BIRC6: variants seen among roughly 807,000 people sequenced by gnomAD.
The protein encoded by BIRC6 is dual E2 ubiquitin-conjugating enzyme/E3 ubiquitin-protein ligase BIRC6.
In BIRC6, 98 loss-of-function variants were observed where a neutral mutation model predicts 503.3. The observed-to-expected ratio is 0.19, with a 90% CI of 0.17 to 0.23. The LOEUF is 0.23. Among genes scored for constraint, BIRC6 ranks in the 10% least tolerant of loss-of-function variants. The pLI is 1.00. For synonymous variants in BIRC6, 2,240 were observed against 2,078.7 expected (o/e 1.08, Z -2.11); for missense variants, 5,360 against 5,806.0 (o/e 0.92, Z 2.50).
chr2:32,608,792 G>C (rs998634263), intron 72 of BIRC6, among the ~76,000 whole-genome samples: 13 of 152,220 alleles, frequency 8.5e-5, no homozygotes, highest in African/African-American at 3.1e-4. Context: ...TCATTGAACT[G>C]TTTTTTATTG....
chr2:32,357,052 C>T lies in BIRC6; in HGVS notation c.-110C>T. 1.0e-6 allele frequency: 1 copy of T among 973,552 alleles called. No individual in the cohort carries two copies. Among genetic ancestry groups the T allele is most frequent in the Middle Eastern group, 3.2e-4 (1 of 3,150 alleles). 60.3% of individuals were successfully genotyped at this position (973,552 alleles called of 1,614,324 possible). On this transcript the variant is annotated 5_prime_UTR_variant, in exon 1 of 74. Transcript: ENST00000421745. The surrounding 1 kb of genome is among the most constrained non-coding windows in gnomAD (Gnocchi z 4.9). ...CTCCCTGCTTCTCCCCCTCTCCCGT[C>T]AGCCTCCCTCCGAGTTTGGCCCCTC...
chr2:32,395,726 G>A (rs2039800935), intron 6 of BIRC6, 133 bp downstream of exon 6: 1 of 682,668 alleles, frequency 1.5e-6, no homozygotes. Flanking sequence ...TCCTGAGAAT[G>A]AGCTAGCCCT....
At chr2:32,424,133 C>T (rs1414918487) in intron 10 of BIRC6, among the ~76,000 whole-genome samples, 2 of 152,024 alleles carry the variant, frequency 1.3e-5, no homozygotes, top group African/African-American at 4.8e-5. Flanking sequence ...AACAAATCTT[C>T]TGTTTGTGAA....
intron 3 of BIRC6, among the ~76,000 whole-genome samples, chr2:32,386,946 G>C (rs563747442): frequency 6.6e-6 from 1 of 152,198 alleles, no homozygotes; most frequent in Admixed American, 6.5e-5. Context: ...AACTGGGGAA[G>C]TAACTATTAC....
chr2:32,536,178 T>C (rs2057218927), intron 61 of BIRC6, among the ~76,000 whole-genome samples: 1 of 152,228 alleles, frequency 6.6e-6, no homozygotes, highest in African/African-American at 2.4e-5. Context: ...GTAAATTTGT[T>C]TGAGTTCATT....
rs1558928490 is a variant in BIRC6 at position 32,509,638 on chromosome 2, G to A, written c.9981-100G>A. ...AACATGTCTTAGATTGGTTAATGCT[G>A]TTTATGAAACACAACATGCTGATCT... On this transcript the variant is annotated intron_variant, in intron 51 of 73. Coordinates refer to ENST00000421745, the MANE Select transcript of BIRC6 (RefSeq NM_016252.4). 3 of 1,373,968 alleles carry A rather than the reference G, an allele frequency of 2.2e-6. No individual in the cohort carries two copies. The East Asian group carries it at 6.9e-5, about 32-fold the overall frequency. 85.1% of individuals were successfully genotyped at this position (1,373,968 alleles called of 1,614,324 possible).
In BIRC6 at chr2:32,401,159, A is replaced by G. The variant is rs2040563464; in HGVS notation, c.1035-4A>G. ...AAACTTTTCCTTTCTAAATCTATGC[A>G]AAGGTCTGAACACGAAAGACATTCC... On this transcript the variant is annotated splice_polypyrimidine_tract_variant and splice_region_variant and intron_variant, in intron 6 of 73. Transcript: ENST00000421745. 1.9e-6 allele frequency: 3 copies of G among 1,612,506 alleles called. No individual in the cohort carries two copies. Among genetic ancestry groups the G allele is most frequent in the South Asian group, 2.2e-5 (2 of 90,994 alleles).
intron 65 of BIRC6, chr2:32,574,478 G>T (rs1338699209): frequency 6.6e-6 from 1 of 152,386 alleles, no homozygotes; most frequent in Non-Finnish European, 1.5e-5. Flanking sequence ...TTGACTGGAA[G>T]CCTTACTGAT....
intron 65 of BIRC6, among the ~76,000 whole-genome samples, chr2:32,569,224 A>G (rs781085131): frequency 6.6e-6 from 1 of 152,030 alleles, no homozygotes; most frequent in Non-Finnish European, 1.5e-5. Flanking sequence ...TCTGGCCCCT[A>G]GTGATCTCCC....
At chr2:32,379,321 G>C (rs934078730) in intron 2 of BIRC6, 3 of 152,152 alleles carry the variant, frequency 2.0e-5, no homozygotes, top group African/African-American at 7.2e-5. Context: ...TAAACCAGCT[G>C]ATATCAGGAT....
intron 57 of BIRC6, among the ~76,000 whole-genome samples, chr2:32,519,862 C>G (rs2055456972): frequency 6.6e-6 from 1 of 152,194 alleles, no homozygotes; most frequent in Non-Finnish European, 1.5e-5. Context: ...CTGTGAAATT[C>G]TGGTTAATCA....
chr2:32,428,833 C>A (rs993095674), intron 10 of BIRC6, among the ~76,000 whole-genome samples: 6 of 152,112 alleles, frequency 3.9e-5, no homozygotes. Flanking sequence ...AGTAATAGTT[C>A]TACCACAAGG....
Position 32,515,041 on chromosome 2 carries a change from A to G in BIRC6, c.10620A>G (p.Lys3540=), listed in dbSNP as rs772186656. 6.2e-7 allele frequency: 1 copy of G among 1,613,948 alleles called. No individual in the cohort carries two copies. The highest frequency in any genetic ancestry group is 1.7e-5 in the Admixed American group (1 of 60,020). The stretch of plus-strand genomic sequence containing the variant: ...TTCCCTGCAATATGGTTTTGAAGAA[A>G]GCTGTTGACAGTCTACTTTGCTCAA... The part of the protein sequence containing the change: ...MSLPCNMVLK[K]AVDSLLCSMC... Residue 3540 remains lysine (K), a synonymous_variant, in exon 55 of 74, where the codon AAA becomes AAG. Transcript: ENST00000421745.
chr2:32,513,772 G>T (rs1302942170), intron 54 of BIRC6, among the ~76,000 whole-genome samples: 1 of 152,200 alleles, frequency 6.6e-6, no homozygotes, highest in African/African-American at 2.4e-5. Flanking sequence ...AGCCCGGCGT[G>T]GTGGCGCGTG....
chr2:32,472,646 A>G (rs528127567), intron 32 of BIRC6, among the ~76,000 whole-genome samples: 8 of 152,366 alleles, frequency 5.3e-5, no homozygotes, highest in Admixed American at 2.6e-4. Flanking sequence ...AAATATTCCA[A>G]AAAAGGAGAG....
intron 23 of BIRC6, among the ~76,000 whole-genome samples, chr2:32,462,577 C>T (rs540274943): frequency 1.6e-4 from 24 of 152,236 alleles, no homozygotes; most frequent in African/African-American, 5.5e-4. Context: ...CTTAGTAAAG[C>T]AAATTTATTT....
At chr2:32,582,835 C>A (rs1474977394) in intron 66 of BIRC6, among the ~76,000 whole-genome samples, 3 of 152,090 alleles carry the variant, frequency 2.0e-5, no homozygotes, top group Non-Finnish European at 2.9e-5. Context: ...GTGGGATTTT[C>A]TTTTATGTCT....
At chr2:32,591,146 T>C (rs1241661474) in intron 66 of BIRC6, among the ~76,000 whole-genome samples, 1 of 152,198 alleles carries the variant, frequency 6.6e-6, no homozygotes, top group Non-Finnish European at 1.5e-5. Flanking sequence ...TCTCACCATT[T>C]AGAGATTTTC....
chr2:32,473,750 T>TGA, intron 33 of BIRC6, among the ~76,000 whole-genome samples: 1 of 120,418 alleles, frequency 8.3e-6, no homozygotes, highest in East Asian at 2.1e-4. Context: ...TGTGTGTGTG[T>TGA]ATTTTTTTTT....
Sources: gnomAD v4.1 joint callset for allele counts (sites outside exome capture counted in the v4.1 genomes callset) on GRCh38, gnomAD v4.1.1 for gene constraint, Gnocchi (gnomAD v3.1) non-coding constraint, MANE v1.5 for transcripts, NCBI Gene and HGNC (gene_info 2026-07-23, HGNC 2026-07-21) for gene names.